PARD3B: variants seen among roughly 807,000 people sequenced by gnomAD.
The protein encoded by PARD3B is par-3 family cell polarity regulator beta, also known as partitioning defective 3 homolog B.
Under a neutral mutation model 130.2 loss-of-function variants are expected in PARD3B, and 103 were observed. That is an observed-to-expected ratio of 0.79 (90% CI 0.67 to 0.93). The LOEUF (loss-of-function observed/expected upper bound fraction) is 0.93. PARD3B is among the 40% of genes least tolerant of loss of function. The pLI is 0.00. For synonymous variants in PARD3B, 583 were observed against 553.2 expected, an observed-to-expected ratio of 1.05 and a Z score of -0.76; for missense variants, 1,609 against 1,499.2, an observed-to-expected ratio of 1.07 and a Z score of -1.21.
chr2:205,184,486 T>G (rs993521420), intron 13 of PARD3B, among the ~76,000 whole-genome samples: 1 of 152,142 alleles, frequency 6.6e-6, no homozygotes, highest in African/African-American at 2.4e-5. Flanking sequence ...CTCACGCCTG[T>G]AATCCCAGCA....
intron 2 of PARD3B, among the ~76,000 whole-genome samples, chr2:204,795,782 T>C (rs1353562908): frequency 1.3e-5 from 2 of 152,216 alleles, no homozygotes; most frequent in East Asian, 3.8e-4. Flanking sequence ...CTACTTTACA[T>C]TTGATATTTT....
intron 14 of PARD3B, 92 bp downstream of exon 14, chr2:205,185,955 A>G (rs1165160646): frequency 5.7e-6 from 6 of 1,051,950 alleles, no homozygotes; most frequent in Non-Finnish European, 8.8e-6. Flanking sequence ...TTTTAACTCT[A>G]TTTCTTTCTG....
chr2:205,409,795 T>C (rs1574949769), intron 19 of PARD3B, among the ~76,000 whole-genome samples: 2 of 152,180 alleles, frequency 1.3e-5, no homozygotes, highest in Admixed American at 1.3e-4. Flanking sequence ...CTTTATCGTA[T>C]GTAGTTGCAG....
intron 2 of PARD3B, among the ~76,000 whole-genome samples, chr2:204,830,067 A>G (rs1223802582): frequency 6.7e-6 from 1 of 150,310 alleles, no homozygotes; most frequent in Non-Finnish European, 1.5e-5. Flanking sequence ...TCCTGCCACC[A>G]TGTGAAGAAG....
chr2:204,798,994 G>C (rs2042471065), intron 2 of PARD3B, among the ~76,000 whole-genome samples: 1 of 151,986 alleles, frequency 6.6e-6, no homozygotes, highest in Non-Finnish European at 1.5e-5. Context: ...TATGCTTGAG[G>C]AAAGGAGAAG....
chr2:205,519,365 C>T (rs1259708795), intron 21 of PARD3B, among the ~76,000 whole-genome samples: 1 of 152,148 alleles, frequency 6.6e-6, no homozygotes, highest in Non-Finnish European at 1.5e-5. Context: ...TTTGTTTATT[C>T]TGCTGTTAAT....
chr2:205,101,533 G>A (rs74884667), intron 4 of PARD3B, among the ~76,000 whole-genome samples: 179 of 152,190 alleles, frequency 1.2e-3, no homozygotes, highest in Middle Eastern at 3.4e-3. Context: ...ACTCCACAGC[G>A]TACGCCAGAG....
At chr2:205,202,110 AT>A (rs567013918) in intron 15 of PARD3B, among the ~76,000 whole-genome samples, 2 of 152,144 alleles carry the variant, frequency 1.3e-5, no homozygotes, top group Non-Finnish European at 2.9e-5. Context: ...GAAAACCAAC[AT>A]TTGGATTAAC....
At chr2:205,283,157 T>G (rs2041256814) in intron 16 of PARD3B, among the ~76,000 whole-genome samples, 1 of 152,238 alleles carries the variant, frequency 6.6e-6, no homozygotes, top group African/African-American at 2.4e-5. Flanking sequence ...GAATTCATCT[T>G]GAAGGATTGG....
chr2:205,475,491 C>T (rs896089030), intron 20 of PARD3B, among the ~76,000 whole-genome samples: 3 of 152,128 alleles, frequency 2.0e-5, no homozygotes, highest in African/African-American at 7.2e-5. Flanking sequence ...GCTTCATCAT[C>T]GCAGAGAGCA....
rs945974255 is a variant in PARD3B at position 205,230,488 on chromosome 2, A to G, written c.2141-15290A>G. 4.6e-5 allele frequency among the ~76,000 whole-genome samples: 7 copies of G among 152,164 alleles called. No individual in the cohort carries two copies. Among genetic ancestry groups the G allele is most frequent in the Non-Finnish European group, 1.0e-4 (7 of 68,022 alleles). On this transcript the variant is annotated intron_variant, in intron 15 of 22. Coordinates refer to ENST00000406610, the MANE Select transcript of PARD3B (RefSeq NM_001302769.2). This position sits in a 1 kb window ranked among gnomAD's most constrained non-coding sequence, Gnocchi z 4.1. Reference sequence around the variant, plus strand: ...TCTGCCCAGTGCCCCCTACTGTGGTAGAGCTAGGATTCAAGTTGCAAGATG... The same window carrying G: ...TCTGCCCAGTGCCCCCTACTGTGGTGGAGCTAGGATTCAAGTTGCAAGATG...
chr2:204,805,389 A>G (rs1384152828), intron 2 of PARD3B, among the ~76,000 whole-genome samples: 1 of 152,136 alleles, frequency 6.6e-6, no homozygotes, highest in East Asian at 1.9e-4. Context: ...TGAACAGACC[A>G]ATAACAACTA....
intron 15 of PARD3B, among the ~76,000 whole-genome samples, chr2:205,240,583 A>G: frequency 6.6e-6 from 1 of 152,204 alleles, no homozygotes; most frequent in East Asian, 1.9e-4. Context: ...TAGTGTTGGC[A>G]TTCTAAAAAA....
chr2:205,100,759 G>T, intron 4 of PARD3B, among the ~76,000 whole-genome samples: 1 of 152,036 alleles, frequency 6.6e-6, no homozygotes, highest in African/African-American at 2.4e-5. Flanking sequence ...TCTTTTCAAT[G>T]AATGATACTA....
intron 2 of PARD3B, among the ~76,000 whole-genome samples, chr2:204,831,606 C>T (rs2043824474): frequency 6.6e-6 from 1 of 152,026 alleles, no homozygotes; most frequent in African/African-American, 2.4e-5. Context: ...GAATTTTTTC[C>T]ACTCCCAAAC....
chr2:205,147,709 T>A (rs1166302605), intron 10 of PARD3B, among the ~76,000 whole-genome samples: 1 of 152,160 alleles, frequency 6.6e-6, no homozygotes, highest in African/African-American at 2.4e-5. Flanking sequence ...AGATACAGAT[T>A]TCAGGAAGTC....
intron 1 of PARD3B, among the ~76,000 whole-genome samples, chr2:204,566,444 T>C (rs1269777140): frequency 6.6e-6 from 1 of 152,228 alleles, no homozygotes; most frequent in Non-Finnish European, 1.5e-5. Flanking sequence ...AGTTACTGTG[T>C]GTTTTTCTCC....
chr2:204,860,764 A>T (rs531992398), intron 2 of PARD3B, among the ~76,000 whole-genome samples: 2 of 152,254 alleles, frequency 1.3e-5, no homozygotes, highest in African/African-American at 4.8e-5. Context: ...TGTTTTTACT[A>T]CTGAAAAGAT....
At chr2:204,986,953 G>T (rs1479956069) in intron 3 of PARD3B, among the ~76,000 whole-genome samples, 1 of 152,156 alleles carries the variant, frequency 6.6e-6, no homozygotes, top group Non-Finnish European at 1.5e-5. Flanking sequence ...ATTACCAGGA[G>T]AAAATGTTTC....
Sources: gnomAD v4.1 joint callset for allele counts (sites outside exome capture counted in the v4.1 genomes callset) on GRCh38, gnomAD v4.1.1 for gene constraint, Gnocchi (gnomAD v3.1) non-coding constraint, MANE v1.5 for transcripts, NCBI Gene and HGNC (gene_info 2026-07-23, HGNC 2026-07-21) for gene names.